The following WDR90 variants were observed in gnomAD, a reference collection of about 807,000 sequenced individuals.
The protein encoded by WDR90 is WD repeat domain 90, also known as WD repeat-containing protein 90.
In WDR90, 238 loss-of-function variants were observed where a neutral mutation model predicts 195.2. The observed-to-expected ratio is 1.22, with a 90% CI of 1.10 to 1.36. WDR90 has a LOEUF of 1.36. Ranked by LOEUF, WDR90 falls within the 40% of genes most tolerant of loss-of-function variation. The pLI is 0.00. For synonymous variants in WDR90, 1,265 were observed against 1,052.4 expected (o/e 1.20, Z -3.91); for missense variants, 2,734 against 2,439.5 (o/e 1.12, Z -2.54).
chr16:650,589 G>A lies in WDR90; in HGVS notation c.439G>A (p.Asp147Asn), dbSNP rs1173473890. ...SGARWTCLQL[D>N]LQDVLLVYLN... ...AGCCCGCTGGACCTGCCTGCAGCTC[G>A]ATCTGCAGGACGTTCTCCTGGTCTA... The change falls in exon 5 of 41, where the codon GAT (aspartate) becomes AAT (asparagine). Residue 147 changes from aspartate (D) to asparagine (N), a missense_variant. By Grantham distance (23) the Asp-to-Asn change is conservative (BLOSUM62 1). Transcript: ENST00000293879. The A allele has an allele frequency of 4.3e-6, 7 of 1,612,586 alleles. No homozygotes were observed. Among genetic ancestry groups the A allele is most frequent in the Non-Finnish European group, 5.9e-6 (7 of 1,179,776 alleles).
chr16:653,670 G>A lies in WDR90; in HGVS notation c.1379G>A (p.Ser460Asn). Residue 460 changes from serine (S) to asparagine (N), a missense_variant and splice_region_variant, in exon 12 of 41, where the codon AGC (serine) becomes AAC (asparagine). By Grantham distance (46) the Ser-to-Asn change is conservative. Transcript: ENST00000293879. ...CCAATGCACGTTGTCTGCTCTCTCA[G>A]GTGAGCACAGGTCTGCCCCATGCAG... The part of the protein sequence containing the change: ...RSPMHVVCSL[S>N]FSDSGALLCG... 1 of 1,613,408 alleles carries A rather than the reference G, an allele frequency of 6.2e-7. No individual in the cohort carries two copies.
Position 658,305 on chromosome 16 carries a change from C to G in WDR90, c.2727C>G (p.Val909=), listed in dbSNP as rs1258315200. The G allele has an allele frequency of 6.2e-7, 1 of 1,612,584 alleles. No individual in the cohort carries two copies. The change falls in exon 22 of 41, where the codon GTC becomes GTG. Residue 909 remains valine (V), a synonymous_variant. Coordinates refer to ENST00000293879, the MANE Select transcript of WDR90 (RefSeq NM_145294.5). ...TGGTGTCCACCTCGTCCAACAGAGT[C>G]GTGGTGCTGGATGCTGTGTCGGGCC... ...HLLVSTSSNR[V]VVLDAVSGRI...
intron 27 of WDR90, 157 bp from the exon 28 acceptor site, chr16:660,455 C>G: frequency 1.3e-6 from 1 of 760,160 alleles, no homozygotes; most frequent in South Asian, 1.7e-5. Flanking sequence ...GCACAGTGCC[C>G]ACAGCTCCCA....
At position 656,722 on chromosome 16, in the gene WDR90, T is replaced by G. The variant is rs776520337; in HGVS notation, c.2203-10T>G. The G allele has an allele frequency of 6.2e-7, 1 of 1,609,932 alleles. No individual in the cohort carries two copies. The highest frequency in any genetic ancestry group is 1.7e-5 in the Admixed American group (1 of 59,832). ...CCTGCCCTCCCCTCAGCACGGCCCC[T>G]GTCCCACAGCTATACGACTTCACAT... On this transcript the variant is annotated splice_polypyrimidine_tract_variant and intron_variant, in intron 18 of 40. Transcript: ENST00000293879.
In WDR90 at chr16:650,242, C is replaced by T; in HGVS notation, c.280-12C>T. Reference sequence around the variant, plus strand: ...GCCCCTGTCTCCTCACGGCCCTGCTCCGTCCCCACAGGACAACCAAGTCAT... The same window carrying T: ...GCCCCTGTCTCCTCACGGCCCTGCTTCGTCCCCACAGGACAACCAAGTCAT... On this transcript the variant is annotated splice_polypyrimidine_tract_variant and intron_variant, in intron 3 of 40. Coordinates refer to ENST00000293879, the MANE Select transcript of WDR90 (RefSeq NM_145294.5). 6.2e-7 allele frequency: 1 copy of T among 1,612,598 alleles called. No homozygotes were observed. The highest frequency in any genetic ancestry group is 8.5e-7 in the Non-Finnish European group (1 of 1,179,716).
At chr16:656,620 A>G in intron 18 of WDR90, 83 bp downstream of exon 18, 2 of 1,575,024 alleles carry the variant, frequency 1.3e-6, no homozygotes, top group Admixed American at 1.7e-5. Flanking sequence ...AGAGGGGCCT[A>G]TAGGGACCTG....
chr16:649,625 GC>G, intron 1 of WDR90, 137 bp from the exon 2 acceptor site: 1 of 1,163,778 alleles, frequency 8.6e-7, no homozygotes, highest in Non-Finnish European at 1.1e-6. Context: ...CGTCCCGCCA[GC>G]CTAGCTGGCG....
At chr16:665,445 C>G (rs1190610184) in intron 34 of WDR90, 2 of 627,004 alleles carry the variant, frequency 3.2e-6, no homozygotes, top group Non-Finnish European at 5.6e-6. Flanking sequence ...TCCTCGGTAT[C>G]CCGCCGGGTT....
chr16:650,828 T>C (rs1190266163), intron 5 of WDR90, 119 bp downstream of exon 5: 8 of 1,492,538 alleles, frequency 5.4e-6, no homozygotes, highest in Non-Finnish European at 6.4e-6. Context: ...CTCTGAGCTC[T>C]GGCCAGAACC....
In WDR90 at chr16:662,235, CG is replaced by C. The variant is rs1200051338; in HGVS notation, c.4052del (p.Gly1351ValfsTer24). The C allele has an allele frequency of 7.6e-6, 12 of 1,574,288 alleles. No homozygotes were observed. Among genetic ancestry groups the C allele is most frequent in the Non-Finnish European group, 9.5e-6 (11 of 1,161,168 alleles). On this transcript the variant is annotated frameshift_variant, in exon 33 of 41. Transcript: ENST00000293879. LOFTEE classifies it high-confidence loss of function. ...CTGCCCCTAGGGCTGTTGCTGTTCT[CG>C]GGTTCTCGATTGGTCAGCGGCAGCA... ...DDGGIGLLLF[S>X]GSRLVSGSST...
chr16:652,446 T>C lies in WDR90; in HGVS notation c.1054-21T>C, dbSNP rs2037665587. 7 of 1,592,904 alleles carry C rather than the reference T, an allele frequency of 4.4e-6. 1 individual carries two copies. In the East Asian group the frequency reaches 1.6e-4, roughly 36 times the overall value. ...GACCTGGCTGAGCCTCCCAGGACTT[T>C]GATGCGAATGGCTGTTTCAGGGCTT... On this transcript the variant is annotated intron_variant, in intron 9 of 40. Transcript: ENST00000293879.
intron 10 of WDR90, 35 bp downstream of exon 10, chr16:652,570 C>G: frequency 6.4e-7 from 1 of 1,570,684 alleles, no homozygotes; most frequent in Non-Finnish European, 8.7e-7. Context: ...GAGCAGCTCT[C>G]GTTGGCCGGC....
intron 13 of WDR90, chr16:654,500 C>T (rs912233901): frequency 6.4e-6 from 1 of 156,598 alleles, no homozygotes; most frequent in African/African-American, 2.4e-5. Context: ...CCTGCCTCAG[C>T]CTCCCCAGTA....
In WDR90 at chr16:650,180, C is replaced by T. The variant is rs368625222; in HGVS notation, c.279+13C>T. 13 of 1,610,744 alleles carry T rather than the reference C, an allele frequency of 8.1e-6. No homozygotes were observed. In the African/African-American group the frequency reaches 1.1e-4, roughly 13 times the overall value. ...TGTGTCCTCCAAGGTACGGAGCCCG[C>T]GGCTGGGGGCTGCGTGGGAGCCCCG... On this transcript the variant is annotated intron_variant, in intron 3 of 40. Transcript: ENST00000293879.
intron 4 of WDR90, 85 bp from the exon 5 acceptor site, chr16:650,454 A>C: frequency 6.3e-7 from 1 of 1,589,008 alleles, no homozygotes; most frequent in Non-Finnish European, 8.6e-7. Context: ...CCTGGAGGAC[A>C]ACCTGGCGGG....
chr16:658,231 G>T lies in WDR90; in HGVS notation c.2653G>T (p.Asp885Tyr), dbSNP rs369485816. Residue 885 changes from aspartate (D) to tyrosine (Y), a missense_variant, in exon 22 of 41, where the codon GAC becomes TAC. Asp to Tyr is a radical substitution (Grantham distance 160). Coordinates refer to ENST00000293879, the MANE Select transcript of WDR90 (RefSeq NM_145294.5). ...GTLDLASSRL[D>Y]SAMAVCFGPA... ...TCTGGACCTGGCCAGCAGCCGCCTG[G>T]ACTCAGCCATGGCTGTGTGCTTTGG... The T allele has an allele frequency of 2.9e-5, 46 of 1,612,404 alleles. No homozygotes were observed. Among genetic ancestry groups the T allele is most frequent in the Admixed American group, 8.3e-5 (5 of 60,002 alleles).
At chr16:656,179 G>A (rs1176069213) in intron 17 of WDR90, 123 bp from the exon 18 acceptor site, 10 of 975,272 alleles carry the variant, frequency 1.0e-5, no homozygotes, top group East Asian at 5.3e-5. Context: ...TCTTGCAGCC[G>A]TGTGGAGCCT....
chr16:658,468 C>T (rs1023080521), intron 22 of WDR90, 57 bp from the exon 23 acceptor site: 76 of 1,584,130 alleles, frequency 4.8e-5, no homozygotes, highest in Non-Finnish European at 6.4e-5. Flanking sequence ...AAGGGAGGCC[C>T]CAGGCTGCTG....
At chr16:659,408 G>T in intron 26 of WDR90, 32 bp downstream of exon 26, 1 of 1,580,806 alleles carries the variant, frequency 6.3e-7, no homozygotes, top group Non-Finnish European at 8.6e-7. Flanking sequence ...GGAGTGGGGG[G>T]ATTCGGGGGT....
Sources: allele counts gnomAD v4.1 joint callset, GRCh38; gene constraint gnomAD v4.1.1; transcripts MANE v1.5; gene names NCBI Gene and HGNC (gene_info 2026-07-23, HGNC 2026-07-21).